EYS: variants seen among roughly 807,000 people sequenced by gnomAD.
The protein encoded by EYS is protein eyes shut homolog.
In EYS, 250 loss-of-function variants were observed where a neutral mutation model predicts 282.1. The ratio of observed to expected loss-of-function variants is 0.89; its 90% confidence interval spans 0.80 to 0.98. The LOEUF is 0.98. Among genes scored for constraint, EYS ranks in the 50% least tolerant of loss-of-function variants. The probability of loss-of-function intolerance (pLI) is 0.00; values close to 1 mark genes in which losing one functional copy is unlikely to be tolerated. For missense variants in EYS, 4,016 were observed against 3,709.0 expected, an observed-to-expected ratio of 1.08 and a Z score of -2.15; for synonymous variants, 1,355 against 1,282.9, an observed-to-expected ratio of 1.06 and a Z score of -1.20.
At chr6:65,361,159 A>G (rs1006672415) in intron 8 of EYS, among the ~76,000 whole-genome samples, 2 of 151,766 alleles carry the variant, frequency 1.3e-5, no homozygotes, top group Non-Finnish European at 2.9e-5. Context: ...GGAATTGTAC[A>G]ATGAGAACAC....
At chr6:64,881,623 C>A (rs1766922123) in intron 19 of EYS, among the ~76,000 whole-genome samples, 1 of 151,692 alleles carries the variant, frequency 6.6e-6, no homozygotes, top group South Asian at 2.1e-4. Context: ...CCAGACTTTA[C>A]TGAGAGTTTT....
intron 2 of EYS, among the ~76,000 whole-genome samples, chr6:65,620,026 G>T (rs1305703431): frequency 6.6e-6 from 1 of 152,058 alleles, no homozygotes; most frequent in Non-Finnish European, 1.5e-5. Context: ...TTTTTATGTT[G>T]TGTCTCTGCC....
intron 2 of EYS, among the ~76,000 whole-genome samples, chr6:65,575,525 C>A (rs1393108481): frequency 6.6e-6 from 1 of 151,496 alleles, no homozygotes; most frequent in Admixed American, 6.6e-5. Flanking sequence ...ATGTGACAGA[C>A]ATATCAAGGA....
intron 31 of EYS, among the ~76,000 whole-genome samples, chr6:64,091,584 C>A (rs1772362681): frequency 6.6e-6 from 1 of 152,168 alleles, no homozygotes; most frequent in African/African-American, 2.4e-5. Context: ...TGCTATGACC[C>A]AGGCCTCTAC....
At chr6:64,799,244 A>C (rs1406176573) in intron 22 of EYS, among the ~76,000 whole-genome samples, 1 of 151,742 alleles carries the variant, frequency 6.6e-6, no homozygotes, top group African/African-American at 2.4e-5. Context: ...ATCAAATCTC[A>C]TCTTTCTTTA....
intron 41 of EYS, among the ~76,000 whole-genome samples, chr6:63,750,242 A>G (rs1174996737): frequency 2.0e-5 from 3 of 152,146 alleles, no homozygotes; most frequent in Non-Finnish European, 2.9e-5. Context: ...AGCAGCTCAT[A>G]TATCTGCATT....
At chr6:65,012,284 A>C (rs551147504) in intron 13 of EYS, among the ~76,000 whole-genome samples, 1 of 152,334 alleles carries the variant, frequency 6.6e-6, no homozygotes, top group East Asian at 1.9e-4. Context: ...CAGTATAAGC[A>C]GCACAAACTT....
chr6:65,371,870 T>C (rs977582920), intron 8 of EYS, among the ~76,000 whole-genome samples: 3 of 151,470 alleles, frequency 2.0e-5, no homozygotes, highest in Non-Finnish European at 4.4e-5. Context: ...TTTCAATTGT[T>C]GCAACTAAAA....
intron 23 of EYS, among the ~76,000 whole-genome samples, chr6:64,622,357 G>A (rs1305186350): frequency 6.6e-6 from 1 of 151,182 alleles, no homozygotes; most frequent in Non-Finnish European, 1.5e-5. Flanking sequence ...CACTCCCCAA[G>A]GACTGATTAT....
At chr6:63,767,264 C>A (rs972544804) in intron 40 of EYS, among the ~76,000 whole-genome samples, 1 of 151,968 alleles carries the variant, frequency 6.6e-6, no homozygotes, top group Non-Finnish European at 1.5e-5. Context: ...GAAAAGATAT[C>A]CAGATAGAAA....
At chr6:64,127,504 C>T (rs773147833) in intron 31 of EYS, among the ~76,000 whole-genome samples, 54 of 152,022 alleles carry the variant, frequency 3.6e-4, no homozygotes, top group African/African-American at 7.5e-4. Context: ...CTTTTCTCTA[C>T]GGATTTGTTT....
At chr6:64,918,101 G>A (rs373699586) in intron 15 of EYS, among the ~76,000 whole-genome samples, 17 of 151,766 alleles carry the variant, frequency 1.1e-4, no homozygotes, top group Non-Finnish European at 1.9e-4. Context: ...TATTCATACC[G>A]AATTATAACA....
chr6:65,510,276 T>C (rs938090852), intron 2 of EYS, among the ~76,000 whole-genome samples: 1 of 150,570 alleles, frequency 6.6e-6, no homozygotes, highest in African/African-American at 2.4e-5. Context: ...GTTTGGTTTT[T>C]TGTTCTTGCG....
At chr6:65,638,376 A>C (rs1428979498) in intron 2 of EYS, among the ~76,000 whole-genome samples, 2 of 152,168 alleles carry the variant, frequency 1.3e-5, no homozygotes, top group Non-Finnish European at 2.9e-5. Flanking sequence ...GGAATGAAAG[A>C]GCTGTAACAC....
chr6:63,823,012 AT>A (rs1469879976), intron 36 of EYS, among the ~76,000 whole-genome samples: 2 of 152,110 alleles, frequency 1.3e-5, no homozygotes, highest in Non-Finnish European at 2.9e-5. Flanking sequence ...ATCTGATGAC[AT>A]TTTAGTATTG....
At chr6:65,534,678 GTTA>G (rs1371218229) in intron 2 of EYS, among the ~76,000 whole-genome samples, 4 of 152,056 alleles carry the variant, frequency 2.6e-5, no homozygotes, top group Non-Finnish European at 5.9e-5. Context: ...CCTGGTTCTA[GTTA>G]GCTTATCTAC....
chr6:64,223,396 G>A (rs1192228335), intron 31 of EYS, among the ~76,000 whole-genome samples: 2 of 151,974 alleles, frequency 1.3e-5, no homozygotes, highest in Non-Finnish European at 2.9e-5. Flanking sequence ...ATCCTCTAGA[G>A]ATAATTTGGT....
intron 37 of EYS, among the ~76,000 whole-genome samples, chr6:63,792,086 A>G (rs990656289): frequency 6.6e-6 from 1 of 151,954 alleles, no homozygotes; most frequent in African/African-American, 2.4e-5. Flanking sequence ...AGGGTCAGTC[A>G]TGGAGTTAGG....
At chr6:64,386,711 T>C (rs1582682877) in intron 29 of EYS, among the ~76,000 whole-genome samples, 1 of 152,314 alleles carries the variant, frequency 6.6e-6, no homozygotes, top group East Asian at 1.9e-4. Flanking sequence ...GCCAACCTGG[T>C]CATTAAAATT....
Sources: gnomAD v4.1 joint callset for allele counts (sites outside exome capture counted in the v4.1 genomes callset) on GRCh38, gnomAD v4.1.1 for gene constraint, MANE v1.5 for transcripts, NCBI Gene and HGNC (gene_info 2026-07-23, HGNC 2026-07-21) for gene names.